The following DDX60L variants were observed in gnomAD, a reference collection of about 807,000 sequenced individuals.
The protein encoded by DDX60L is DExD/H-box 60 like, also known as probable ATP-dependent RNA helicase DDX60-like.
DDX60L carries 191 observed loss-of-function variants against 211.6 expected under a neutral mutation model. The observed-to-expected ratio is 0.90, with a 90% CI of 0.80 to 1.02. DDX60L has a LOEUF of 1.02. DDX60L is among the 50% of genes least tolerant of loss of function. The pLI is 0.00. For synonymous variants in DDX60L, 706 were observed against 694.1 expected, an observed-to-expected ratio of 1.02 and a Z score of -0.27; for missense variants, 2,007 against 1,984.1, an observed-to-expected ratio of 1.01 and a Z score of -0.22.
chr4:168,476,405 A>T (rs1272600864), intron 1 of DDX60L, among the ~76,000 whole-genome samples: 1 of 152,214 alleles, frequency 6.6e-6, no homozygotes, highest in Non-Finnish European at 1.5e-5. Flanking sequence ...AAATGGAGAT[A>T]GCAAGACATT....
At chr4:168,400,778 AT>A in intron 26 of DDX60L, 47 bp downstream of exon 26, 1 of 1,485,972 alleles carries the variant, frequency 6.7e-7, no homozygotes, top group Non-Finnish European at 9.2e-7. Context: ...TCTTGTAAAT[AT>A]TTTAGTCTTC....
At chr4:168,362,055 G>C (rs920826970) in intron 36 of DDX60L, among the ~76,000 whole-genome samples, 2 of 152,244 alleles carry the variant, frequency 1.3e-5, no homozygotes, top group African/African-American at 4.8e-5. Flanking sequence ...CCACTGAACA[G>C]GTGGCCAGGC....
intron 4 of DDX60L, among the ~76,000 whole-genome samples, chr4:168,466,533 T>C (rs796671000): frequency 2.6e-5 from 4 of 152,312 alleles, no homozygotes; most frequent in African/African-American, 9.6e-5. Flanking sequence ...ATTTGTAAAA[T>C]TATGTGATGA....
rs115528140 is a variant in DDX60L, at chr4:168,373,584, G to A, written c.4776+82C>T. 7.1e-4 allele frequency: 994 copies of A among 1,390,396 alleles called. 8 individuals are homozygous for A. In the African/African-American group the frequency reaches 8.8e-3, roughly 12 times the overall value. 86.1% of individuals were successfully genotyped at this position (1,390,396 alleles called of 1,614,324 possible). Reference sequence around the variant, plus strand: ...ACATTTTTCAGTGTTTTGGGTTTGAGGTCCTATCAAGGCTTCACAGCAATG... The same window carrying A: ...ACATTTTTCAGTGTTTTGGGTTTGAAGTCCTATCAAGGCTTCACAGCAATG... On this transcript the variant is annotated intron_variant, in intron 35 of 37. Transcript: ENST00000682922.
intron 26 of DDX60L, among the ~76,000 whole-genome samples, chr4:168,398,471 G>A (rs544942926): frequency 2.0e-5 from 3 of 152,354 alleles, no homozygotes; most frequent in South Asian, 4.1e-4. Context: ...GGCACAAAGA[G>A]CCTGGGTGCC....
chr4:168,425,490 A>G (rs1316582225), intron 14 of DDX60L, among the ~76,000 whole-genome samples: 1 of 152,250 alleles, frequency 6.6e-6, no homozygotes, highest in African/African-American at 2.4e-5. Context: ...GGCTGGGCAC[A>G]GTGGCTCAAG....
At chr4:168,466,783 T>C (rs1442415082) in intron 4 of DDX60L, among the ~76,000 whole-genome samples, 10 of 152,222 alleles carry the variant, frequency 6.6e-5, no homozygotes, top group Admixed American at 5.9e-4. Context: ...GATGGATATA[T>C]GGTCCATGTA....
chr4:168,462,958 T>A (rs1314573287), intron 4 of DDX60L, among the ~76,000 whole-genome samples: 4 of 151,936 alleles, frequency 2.6e-5, no homozygotes, highest in African/African-American at 9.7e-5. Context: ...TTAAAAATAA[T>A]AAAAAATGAG....
intron 1 of DDX60L, among the ~76,000 whole-genome samples, chr4:168,476,318 T>C (rs1351125173): frequency 6.6e-6 from 1 of 152,138 alleles, no homozygotes; most frequent in African/African-American, 2.4e-5. Flanking sequence ...ATGAGGAATT[T>C]ATATTTTCCT....
Position 168,442,687 on chromosome 4 carries a change from G to A in DDX60L, c.1139-1195C>T, listed in dbSNP as rs544863551. 4.0e-3 allele frequency among the ~76,000 whole-genome samples: 604 copies of A among 151,510 alleles called. 6 individuals carry two copies. Among genetic ancestry groups the A allele is most frequent in the Admixed American group, 0.027 (414 of 15,228 alleles). ...GCACGCAGCTGGAGATCTGAGAACG[G>A]GCAGACTGCCTCCTCAAGTGGGTCC... On this transcript the variant is annotated intron_variant, in intron 9 of 37. Coordinates refer to ENST00000682922, the MANE Select transcript of DDX60L (RefSeq NM_001012967.3).
Position 168,461,890 on chromosome 4 carries a change from A to G in DDX60L, c.415T>C (p.Tyr139His), listed in dbSNP as rs1289247911. ...TCTGAAACTATCAGAAAATACGGGT[A>G]ATGCTGTTCCAAGAATAACTTCCAA... ...QDWKLFLEQH[Y>H]PYFLIVSEEG... Residue 139 changes from tyrosine to histidine, a missense_variant, in exon 5 of 38, where the codon TAC (tyrosine) becomes CAC (histidine). Physicochemically the swap from Tyr to His is moderately conservative, Grantham distance 83. Coordinates refer to ENST00000682922, the MANE Select transcript of DDX60L (RefSeq NM_001012967.3). 1.9e-6 allele frequency: 3 copies of G among 1,611,752 alleles called. No individual in the cohort carries two copies. The highest frequency in any genetic ancestry group is 2.5e-6 in the Non-Finnish European group (3 of 1,178,834).
At chr4:168,369,562 G>A (rs1740627625) in intron 36 of DDX60L, among the ~76,000 whole-genome samples, 1 of 148,764 alleles carries the variant, frequency 6.7e-6, no homozygotes, top group South Asian at 2.1e-4. Context: ...AAAAACAGAA[G>A]CAATAAAAGC....
intron 8 of DDX60L, among the ~76,000 whole-genome samples, chr4:168,450,030 CAA>C (rs1227094923): frequency 6.6e-6 from 1 of 152,078 alleles, no homozygotes; most frequent in African/African-American, 2.4e-5. Flanking sequence ...AGCCCTTTCT[CAA>C]AACAAACCCC....
intron 26 of DDX60L, among the ~76,000 whole-genome samples, chr4:168,398,315 C>T (rs1030887643): frequency 2.0e-5 from 3 of 152,222 alleles, no homozygotes; most frequent in Non-Finnish European, 4.4e-5. Context: ...CACAACCTAG[C>T]CAGGTGTGTG....
chr4:168,453,238 G>A lies in DDX60L; in HGVS notation c.882C>T (p.Cys294=). Residue 294 remains cysteine, a synonymous_variant, in exon 8 of 38, where the codon TGC becomes TGT. Coordinates refer to ENST00000682922, the MANE Select transcript of DDX60L (RefSeq NM_001012967.3). ...AAGCCACACAGAGGCAACGCAGTCT[G>A]CAGAAATCTTCCACCTCCTGCAGGG... The part of the protein sequence containing the change: ...CLSLQEVEDF[C]RLRCLCVAFQ... 6.2e-7 allele frequency: 1 copy of A among 1,612,698 alleles called. No homozygotes were observed. Among genetic ancestry groups the A allele is most frequent in the South Asian group, 1.1e-5 (1 of 90,862 alleles).
chr4:168,399,041 G>A (rs1192906321), intron 26 of DDX60L, among the ~76,000 whole-genome samples: 1 of 152,228 alleles, frequency 6.6e-6, no homozygotes. Flanking sequence ...GCTACCCACT[G>A]CAGGTCTCCT....
At chr4:168,384,300 G>A (rs1165171374) in intron 30 of DDX60L, among the ~76,000 whole-genome samples, 1 of 152,082 alleles carries the variant, frequency 6.6e-6, no homozygotes, top group Non-Finnish European at 1.5e-5. Flanking sequence ...CTGGGCAACA[G>A]TGAGCCCTCA....
intron 1 of DDX60L, 72 bp downstream of exon 1, chr4:168,480,305 A>C (rs573101954): frequency 6.6e-6 from 1 of 152,164 alleles, no homozygotes; most frequent in Non-Finnish European, 1.5e-5. Context: ...TGTTGAAGGA[A>C]TCCTAGAACC....
At chr4:168,387,144 G>A (rs554145237) in intron 29 of DDX60L, among the ~76,000 whole-genome samples, 48 of 152,300 alleles carry the variant, frequency 3.2e-4, no homozygotes, top group African/African-American at 1.1e-3. Flanking sequence ...GTGCTCAAAG[G>A]TAAAACAGAA....
Sources: gnomAD v4.1 joint callset for allele counts (sites outside exome capture counted in the v4.1 genomes callset) on GRCh38, gnomAD v4.1.1 for gene constraint, MANE v1.5 for transcripts, NCBI Gene and HGNC (gene_info 2026-07-23, HGNC 2026-07-21) for gene names.